The following LNX2 variants were observed in gnomAD, a reference collection of about 807,000 sequenced individuals.
LNX2 encodes the protein ligand of Numb protein X 2.
LNX2 carries 35 observed loss-of-function variants against 66.2 expected under a neutral mutation model. The observed-to-expected ratio is 0.53, with a 90% confidence interval of 0.40 to 0.70. The LOEUF (loss-of-function observed/expected upper bound fraction) is 0.70, where lower values mean the gene tolerates loss of function less well. LNX2 is among the 30% of genes least tolerant of loss of function. The pLI is 0.00. For missense variants in LNX2, 791 were observed against 850.8 expected (o/e 0.93, Z 0.87); for synonymous variants, 337 against 315.6 (o/e 1.07, Z -0.72).
rs1355682940 is a variant in LNX2 at position 27,550,318 on chromosome 13, T to C, written c.1937+15A>G. 9 of 1,606,734 alleles carry C rather than the reference T, an allele frequency of 5.6e-6. No individual in the cohort carries two copies. In the Admixed American group the frequency reaches 1.2e-4, roughly 21 times the overall value. On this transcript the variant is annotated intron_variant, in intron 9 of 9. Coordinates refer to ENST00000316334, the MANE Select transcript of LNX2 (RefSeq NM_153371.4). ...CATCAACATGAATCACATCATTAAT[T>C]AGAACAAGACTCACTTTAATCTTCC...
intron 1 of LNX2, among the ~76,000 whole-genome samples, chr13:27,616,452 C>T (rs1468758859): frequency 6.6e-6 from 1 of 152,144 alleles, no homozygotes; most frequent in Non-Finnish European, 1.5e-5. Flanking sequence ...TCATGTCCGA[C>T]CTCCACTTCC....
chr13:27,613,676 G>A (rs1955797136), intron 1 of LNX2, among the ~76,000 whole-genome samples: 1 of 152,158 alleles, frequency 6.6e-6, no homozygotes, highest in South Asian at 2.1e-4. Flanking sequence ...GCTGAGGCAG[G>A]AGAATCACTT....
In LNX2 at chr13:27,565,705, T is replaced by TA. The variant is rs562778937; in HGVS notation, c.855+1934dup. Among the ~76,000 whole-genome samples the TA allele has an allele frequency of 1.1e-3, 169 of 152,094 alleles. 1 individual carries two copies. Among genetic ancestry groups the TA allele is most frequent in the South Asian group, 6.9e-3 (33 of 4,804 alleles). Reference sequence around the variant, plus strand: ...TCGTCTATTACATCTAAGTATTTGGTAAAAAAAACACTGTTTGAAAGCTCA... The same window carrying TA: ...TCGTCTATTACATCTAAGTATTTGGTAAAAAAAAACACTGTTTGAAAGCTCA... On this transcript the variant is annotated intron_variant, in intron 4 of 9. Coordinates refer to ENST00000316334, the MANE Select transcript of LNX2 (RefSeq NM_153371.4).
intron 2 of LNX2, 43 bp from the exon 3 acceptor site, chr13:27,569,319 C>A: frequency 6.3e-7 from 1 of 1,580,470 alleles, no homozygotes; most frequent in Non-Finnish European, 8.6e-7. Context: ...ATTTTGAAAA[C>A]AAACAAACAA....
At chr13:27,594,504 T>C (rs896211429) in intron 1 of LNX2, among the ~76,000 whole-genome samples, 2 of 152,326 alleles carry the variant, frequency 1.3e-5, no homozygotes, top group East Asian at 3.9e-4. Context: ...CATAATGAGA[T>C]AAAGATTTGC....
At chr13:27,565,573 A>T (rs2138350972) in intron 4 of LNX2, among the ~76,000 whole-genome samples, 1 of 152,350 alleles carries the variant, frequency 6.6e-6, no homozygotes, top group Middle Eastern at 3.4e-3. Flanking sequence ...CAGCCTGTGC[A>T]GCTAAAGTAC....
chr13:27,608,335 T>C (rs1160772854), intron 1 of LNX2, among the ~76,000 whole-genome samples: 1 of 152,242 alleles, frequency 6.6e-6, no homozygotes, highest in African/African-American at 2.4e-5. Flanking sequence ...ACTAGATTTC[T>C]GAGAACAAGA....
intron 1 of LNX2, among the ~76,000 whole-genome samples, chr13:27,615,895 A>G (rs528268679): frequency 2.6e-5 from 4 of 152,162 alleles, no homozygotes; most frequent in Non-Finnish European, 5.9e-5. Flanking sequence ...GAGCCAAGCC[A>G]GATCAAAGCC....
chr13:27,575,386 T>TGA (rs1192243053), intron 2 of LNX2, among the ~76,000 whole-genome samples: 6 of 152,314 alleles, frequency 3.9e-5, no homozygotes, highest in African/African-American at 1.4e-4. Context: ...AGTGTGTCTG[T>TGA]GAGGCTGTTT....
Position 27,552,367 on chromosome 13 carries a change from T to C in LNX2, c.1778+841A>G, listed in dbSNP as rs186546611. Among the ~76,000 whole-genome samples the C allele has an allele frequency of 1.1e-4, 16 of 152,354 alleles. 1 individual carries two copies. Among genetic ancestry groups the C allele is most frequent in the Admixed American group, 9.8e-4 (15 of 15,300 alleles). Reference sequence around the variant, plus strand: ...ATGCGCAAAGCGCCTTGAAGCACTATATAAATGCTAGTTGTTGTTATAAAT... The same window carrying C: ...ATGCGCAAAGCGCCTTGAAGCACTACATAAATGCTAGTTGTTGTTATAAAT... On this transcript the variant is annotated intron_variant, in intron 8 of 9. Transcript: ENST00000316334.
intron 1 of LNX2, among the ~76,000 whole-genome samples, chr13:27,584,675 G>A (rs534199619): frequency 6.6e-6 from 1 of 152,134 alleles, no homozygotes; most frequent in East Asian, 1.9e-4. Flanking sequence ...AACAAAGCGA[G>A]ACCCTGTCTC....
intron 1 of LNX2, among the ~76,000 whole-genome samples, chr13:27,590,977 C>T (rs1955540723): frequency 6.6e-6 from 1 of 151,912 alleles, no homozygotes; most frequent in Admixed American, 6.6e-5. Context: ...TGTATATATA[C>T]ATATATATGT....
intron 1 of LNX2, among the ~76,000 whole-genome samples, chr13:27,601,630 A>G (rs1955658907): frequency 6.6e-6 from 1 of 152,206 alleles, no homozygotes; most frequent in South Asian, 2.1e-4. Flanking sequence ...AAAATAATAT[A>G]TCATGCATGA....
chr13:27,560,565 G>GCGCATATATATATATATATATATATATA (rs1242930383), intron 5 of LNX2, among the ~76,000 whole-genome samples: 1 of 119,970 alleles, frequency 8.3e-6, no homozygotes, highest in Non-Finnish European at 1.7e-5. Context: ...ATGTATGTGT[G>GCGCATATATATATATATATATATATATA]TATATATATA....
intron 1 of LNX2, among the ~76,000 whole-genome samples, chr13:27,615,355 C>A (rs751633874): frequency 2.0e-5 from 3 of 152,214 alleles, no homozygotes; most frequent in Non-Finnish European, 4.4e-5. Context: ...GGGTGCGGAG[C>A]GTCCATGCCC....
intron 1 of LNX2, among the ~76,000 whole-genome samples, chr13:27,584,607 G>C (rs963746639): frequency 6.6e-6 from 1 of 152,100 alleles, no homozygotes; most frequent in Admixed American, 6.5e-5. Context: ...GACTGCTTGA[G>C]CCCAGGACTT....
At chr13:27,585,035 T>C (rs2038722) in intron 1 of LNX2, among the ~76,000 whole-genome samples, 1 of 151,164 alleles carries the variant, frequency 6.6e-6, no homozygotes. Context: ...GGAGAATCAC[T>C]TGAGCCTAGG....
At position 27,581,747 on chromosome 13, in the gene LNX2, C is replaced by T. The variant is rs112460239; in HGVS notation, c.-44G>A. The T allele has an allele frequency of 1.2e-5, 18 of 1,513,556 alleles. No individual in the cohort carries two copies. The highest frequency in any genetic ancestry group is 1.8e-4 in the Middle Eastern group (1 of 5,626). The allele number at this position is 1,513,556 out of a possible 1,614,324, so 93.8% of individuals were successfully genotyped here. Reference sequence around the variant, plus strand: ...CCTCATGTGTTAGACTTCCACTTCACGCTTGGTTTCCTTTAACAGACAGTG... The same window carrying T: ...CCTCATGTGTTAGACTTCCACTTCATGCTTGGTTTCCTTTAACAGACAGTG... On this transcript the variant is annotated 5_prime_UTR_variant, in exon 2 of 10. In the 5' UTR this introduces an upstream ATG that the reference lacks. Coordinates refer to ENST00000316334, the MANE Select transcript of LNX2 (RefSeq NM_153371.4).
intron 1 of LNX2, among the ~76,000 whole-genome samples, chr13:27,597,993 A>G (rs1340329413): frequency 6.6e-6 from 1 of 152,184 alleles, no homozygotes; most frequent in Non-Finnish European, 1.5e-5. Context: ...TTTACTCTAT[A>G]AACTGTACTG....
Sources: gnomAD v4.1 joint callset for allele counts (sites outside exome capture counted in the v4.1 genomes callset) on GRCh38, gnomAD v4.1.1 for gene constraint, MANE v1.5 for transcripts, NCBI Gene and HGNC (gene_info 2026-07-23, HGNC 2026-07-21) for gene names.